The following AHI1 variants were observed in gnomAD, a reference collection of about 807,000 sequenced individuals.
The protein encoded by AHI1 is Abelson helper integration site 1.
In AHI1, 123 loss-of-function variants were observed where a neutral mutation model predicts 149.3. That is an observed-to-expected ratio of 0.82 (90% CI 0.71 to 0.96). AHI1 has a LOEUF of 0.96. AHI1 is among the 40% of genes least tolerant of loss of function. The pLI, the probability that AHI1 is intolerant of heterozygous loss-of-function variation, is 0.00. For synonymous variants in AHI1, 475 were observed against 459.8 expected (o/e 1.03, Z -0.42); for missense variants, 1,439 against 1,422.7 (o/e 1.01, Z -0.18).
intron 24 of AHI1, among the ~76,000 whole-genome samples, chr6:135,323,792 T>A (rs1362068049): frequency 6.6e-6 from 1 of 152,246 alleles, no homozygotes; most frequent in East Asian, 1.9e-4. Flanking sequence ...TTAATGTCTT[T>A]TTTTGAGATA....
At chr6:135,333,329 T>G (rs1477732950) in intron 24 of AHI1, among the ~76,000 whole-genome samples, 1 of 152,166 alleles carries the variant, frequency 6.6e-6, no homozygotes. Flanking sequence ...TTAAAATGCT[T>G]CCTTTACTAA....
At chr6:135,482,782 T>G (rs1274855620) in intron 5 of AHI1, among the ~76,000 whole-genome samples, 1 of 151,906 alleles carries the variant, frequency 6.6e-6, no homozygotes, top group Non-Finnish European at 1.5e-5. Context: ...ATATCTGACA[T>G]TATCAATTTT....
intron 20 of AHI1, among the ~76,000 whole-genome samples, chr6:135,417,504 G>GA (rs374121589): frequency 6.6e-6 from 1 of 151,228 alleles, no homozygotes; most frequent in Non-Finnish European, 1.5e-5. Flanking sequence ...TTTTTAACTG[G>GA]AAAAAAAAGT....
At chr6:135,293,564 C>G (rs7741046) in intron 27 of AHI1, among the ~76,000 whole-genome samples, 37,022 of 151,878 alleles carry the variant, frequency 0.24, 10,349 homozygotes, top group African/African-American at 0.69. Context: ...TTAGTAGGTT[C>G]GCATAAAACA....
intron 25 of AHI1, among the ~76,000 whole-genome samples, chr6:135,319,188 A>G (rs572463675): frequency 6.6e-5 from 10 of 152,378 alleles, no homozygotes; most frequent in African/African-American, 2.4e-4. Flanking sequence ...AGGTACGCAG[A>G]AAAACTAATT....
intron 21 of AHI1, among the ~76,000 whole-genome samples, chr6:135,406,308 T>C (rs1562689829): frequency 1.3e-5 from 2 of 152,202 alleles, no homozygotes; most frequent in South Asian, 4.1e-4. Flanking sequence ...AAGAGCCAGA[T>C]ACTGTATCTA....
chr6:135,454,633 C>G (rs1788630737), intron 10 of AHI1, among the ~76,000 whole-genome samples: 1 of 152,098 alleles, frequency 6.6e-6, no homozygotes, highest in African/African-American at 2.4e-5. Flanking sequence ...AAACTGAGAT[C>G]AAAAAGCAGT....
chr6:135,330,153 G>A (rs1476542760), intron 24 of AHI1, among the ~76,000 whole-genome samples: 1 of 152,194 alleles, frequency 6.6e-6, no homozygotes, highest in East Asian at 1.9e-4. Context: ...GCAGCAGCAG[G>A]GTTTGAGAGT....
chr6:135,303,022 G>A (rs1275109716), intron 26 of AHI1, among the ~76,000 whole-genome samples: 3 of 152,284 alleles, frequency 2.0e-5, no homozygotes, highest in South Asian at 2.1e-4. Context: ...AAAAAGTGAC[G>A]AGTGAAAGGA....
chr6:135,416,727 G>T (rs1782438249), intron 20 of AHI1, among the ~76,000 whole-genome samples: 1 of 151,888 alleles, frequency 6.6e-6, no homozygotes, highest in Non-Finnish European at 1.5e-5. Context: ...AACAATATTA[G>T]GTATTTGATC....
intron 5 of AHI1, among the ~76,000 whole-genome samples, chr6:135,480,380 C>T (rs953564891): frequency 5.3e-5 from 8 of 152,004 alleles, no homozygotes; most frequent in Non-Finnish European, 2.9e-5. Context: ...ATTGCTTAAG[C>T]CCAGGAGGTG....
In AHI1 at chr6:135,318,634, A is replaced by C. The variant is rs1786339954; in HGVS notation, c.3329-18T>G. 6.5e-7 allele frequency: 1 copy of C among 1,529,434 alleles called. No homozygotes were observed. 94.7% of individuals were successfully genotyped at this position (1,529,434 alleles called of 1,614,324 possible). A position where few individuals can be genotyped will look rare whatever the true frequency, so the allele number is the denominator to read the frequency against. On this transcript the variant is annotated intron_variant, in intron 25 of 28. Coordinates refer to ENST00000265602, the MANE Select transcript of AHI1 (RefSeq NM_001134831.2). Reference sequence around the variant, plus strand: ...ATACAGTGCTGAAATTGGAAAAAGGAATTCATGTAATCAAATTGAGGAGCA... The same window carrying C: ...ATACAGTGCTGAAATTGGAAAAAGGCATTCATGTAATCAAATTGAGGAGCA...
At chr6:135,439,233 T>C (rs1182819449) in intron 14 of AHI1, among the ~76,000 whole-genome samples, 2 of 152,322 alleles carry the variant, frequency 1.3e-5, no homozygotes, top group South Asian at 2.1e-4. Flanking sequence ...AAATATCAAA[T>C]GGAAAATTCC....
At position 135,312,424 on chromosome 6, in the gene AHI1, G is replaced by A. The variant is rs368942554; in HGVS notation, c.3426+6095C>T. On this transcript the variant is annotated intron_variant, in intron 26 of 28. Coordinates refer to ENST00000265602, the MANE Select transcript of AHI1 (RefSeq NM_001134831.2). Reference sequence around the variant, plus strand: ...AGCTACTTGGGAGGCTGAGGCATGAGAATTGCTTGAACTTGGGAGGTGGAG... The same window carrying A: ...AGCTACTTGGGAGGCTGAGGCATGAAAATTGCTTGAACTTGGGAGGTGGAG... Among the ~76,000 whole-genome samples the A allele has an allele frequency of 9.1e-4, 138 of 152,268 alleles. 2 individuals carry two copies. In the South Asian group the frequency reaches 0.028, roughly 31 times the overall value.
At chr6:135,496,322 T>C (rs2128141566) in intron 2 of AHI1, among the ~76,000 whole-genome samples, 1 of 152,244 alleles carries the variant, frequency 6.6e-6, no homozygotes, top group African/African-American at 2.4e-5. Context: ...TCACCAACAT[T>C]GGCCAGGCTG....
intron 11 of AHI1, among the ~76,000 whole-genome samples, chr6:135,449,395 G>T (rs1236225063): frequency 6.6e-6 from 1 of 152,124 alleles, no homozygotes; most frequent in African/African-American, 2.4e-5. Context: ...TACCAACTCA[G>T]AATACGTTCT....
At chr6:135,380,744 C>CA (rs138451119) in intron 23 of AHI1, among the ~76,000 whole-genome samples, 13 of 100,494 alleles carry the variant, frequency 1.3e-4, no homozygotes, top group South Asian at 3.3e-4. Flanking sequence ...CCCCCCCCCC[C>CA]AAAAAAAAAG....
At position 135,358,138 on chromosome 6, in the gene AHI1, T is replaced by C; in HGVS notation, c.3159A>G (p.Ala1053=). 6.2e-7 allele frequency: 1 copy of C among 1,612,840 alleles called. No homozygotes were observed. The highest frequency in any genetic ancestry group is 2.2e-5 in the East Asian group (1 of 44,820). The part of the protein sequence containing the change: ...RKPCNHQVDT[A]PTVVALYDYT... The stretch of plus-strand genomic sequence containing the variant: ...TAGCAACAGACTGTCTTACCGTTGG[T>C]GCTGTATCTACCTGATGGTTACAAG... The change falls in exon 24 of 29, where the codon GCA becomes GCG. Residue 1053 remains alanine (A), a synonymous_variant. Transcript: ENST00000265602.
At chr6:135,292,774 A>C (rs1051580555) in intron 27 of AHI1, among the ~76,000 whole-genome samples, 1 of 152,242 alleles carries the variant, frequency 6.6e-6, no homozygotes, top group African/African-American at 2.4e-5. Flanking sequence ...TGTATGAGCA[A>C]TGTCTCATGA....
Sources: gnomAD v4.1 joint callset for allele counts (sites outside exome capture counted in the v4.1 genomes callset) on GRCh38, gnomAD v4.1.1 for gene constraint, MANE v1.5 for transcripts, NCBI Gene and HGNC (gene_info 2026-07-23, HGNC 2026-07-21) for gene names.